The following SMOX variants were observed in gnomAD, a reference collection of about 807,000 sequenced individuals.
SMOX encodes spermine oxidase.
In SMOX, 22 loss-of-function variants were observed where a neutral mutation model predicts 51.0. The observed-to-expected ratio is 0.43, with a 90% CI of 0.31 to 0.62. The LOEUF (loss-of-function observed/expected upper bound fraction) is 0.62. SMOX is among the 20% of genes least tolerant of loss of function. The pLI is 0.10. For synonymous variants in SMOX, 282 were observed against 307.8 expected, an observed-to-expected ratio of 0.92 and a Z score of 0.88; for missense variants, 566 against 777.7, an observed-to-expected ratio of 0.73 and a Z score of 3.24.
Position 4,183,539 on chromosome 20 carries a change from G to A in SMOX, c.1415G>A (p.Trp472Ter). The A allele has an allele frequency of 6.2e-7, 1 of 1,614,194 alleles. No homozygotes were observed. The highest frequency in any genetic ancestry group is 8.5e-7 in the Non-Finnish European group (1 of 1,180,032). Residue 472 changes from tryptophan (W) to a stop codon, truncating the protein, a stop_gained, in exon 6 of 7, where the codon TGG becomes TAG. Transcript: ENST00000305958. LOFTEE classifies it high-confidence loss of function. This position sits in a 1 kb window ranked among gnomAD's most constrained non-coding sequence, Gnocchi z 4.3. ...CCTCGGCGAATCTTGCGCTCGGCCT[G>A]GGGCAGCAACCCTTACTTCCGCGGC... is the stretch of plus-strand genomic sequence containing the variant. The part of the protein sequence containing the change: ...PKPRRILRSA[W>*]GSNPYFRGSY...
At chr20:4,173,822 G>A (rs1978612357) in intron 1 of SMOX, among the ~76,000 whole-genome samples, 2 of 152,240 alleles carry the variant, frequency 1.3e-5, no homozygotes, top group South Asian at 4.1e-4. Context: ...GAGCTGAGTG[G>A]TTCCTCAGGG....
intron 1 of SMOX, among the ~76,000 whole-genome samples, chr20:4,151,245 C>T (rs1420379305): frequency 6.6e-6 from 1 of 151,910 alleles, no homozygotes; most frequent in Non-Finnish European, 1.5e-5. Context: ...TCTGACTCCA[C>T]TGTTAAGGCC....
intron 1 of SMOX, among the ~76,000 whole-genome samples, chr20:4,157,754 G>A (rs1360253354): frequency 6.6e-6 from 1 of 152,024 alleles, no homozygotes; most frequent in Admixed American, 6.6e-5. Flanking sequence ...TGGGGGAGGG[G>A]CCAAGTTGCG....
At chr20:4,158,728 C>G (rs1434345905) in intron 1 of SMOX, among the ~76,000 whole-genome samples, 1 of 152,060 alleles carries the variant, frequency 6.6e-6, no homozygotes, top group African/African-American at 2.4e-5. Context: ...ACATCTGTCT[C>G]GATGCCCTTT....
intron 1 of SMOX, among the ~76,000 whole-genome samples, chr20:4,169,631 G>A (rs1462306195): frequency 1.3e-5 from 2 of 152,178 alleles, no homozygotes; most frequent in Non-Finnish European, 2.9e-5. Flanking sequence ...ACAGACAACA[G>A]AATTTCCTGG....
intron 1 of SMOX, among the ~76,000 whole-genome samples, chr20:4,156,676 G>A (rs1430041965): frequency 1.3e-5 from 2 of 152,334 alleles, no homozygotes; most frequent in Non-Finnish European, 2.9e-5. Flanking sequence ...CTGGGTGAAT[G>A]AGGAAGGATC....
At chr20:4,158,182 G>C (rs1986128454) in intron 1 of SMOX, among the ~76,000 whole-genome samples, 2 of 152,278 alleles carry the variant, frequency 1.3e-5, no homozygotes, top group Admixed American at 1.3e-4. Context: ...TGACAGGTGT[G>C]AGCCACAGCG....
chr20:4,186,984 G>A, intron 6 of SMOX: 1 of 604,856 alleles, frequency 1.7e-6, no homozygotes, highest in Non-Finnish European at 3.0e-6. Context: ...GCTTAGGGAG[G>A]TTAAACCACC....
chr20:4,154,128 G>A (rs554851449), intron 1 of SMOX, among the ~76,000 whole-genome samples: 2 of 152,316 alleles, frequency 1.3e-5, no homozygotes, highest in African/African-American at 4.8e-5. Flanking sequence ...GAGGAGAAGT[G>A]GGTTGAAGCC....
At position 4,175,132 on chromosome 20, in the gene SMOX, G is replaced by A. The variant is rs771415602; in HGVS notation, c.77G>A (p.Arg26His). The A allele has an allele frequency of 9.9e-6, 16 of 1,614,242 alleles. No individual in the cohort carries two copies. The East Asian group carries it at 2.2e-4, about 22-fold the overall frequency. Residue 26 changes from arginine to histidine, a missense_variant, in exon 2 of 7, where the codon CGT (arginine) becomes CAT (histidine). Transcript: ENST00000305958. ...GGCCTACGGAGAAGGGGACAGCCTC[G>A]TGTGGTGGTGATCGGCGCCGGCTTG... ...SRGLRRRGQPRVVVIGAGLAG... is the reference protein window; with the variant it reads ...SRGLRRRGQPHVVVIGAGLAG...
In SMOX at chr20:4,177,520, C is replaced by T; in HGVS notation, c.378C>T (p.Asn126=). Residue 126 remains asparagine (N), a synonymous_variant, in exon 3 of 7, where the codon AAC becomes AAT. Transcript: ENST00000305958. The surrounding 1 kb of genome is among the most constrained non-coding windows in gnomAD (Gnocchi z 4.3). ...SKNGVACYLT[N]HGRRIPKDVV... is the part of the protein sequence containing the mutation. ...ATGGCGTGGCCTGCTACCTTACCAA[C>T]CACGGCCGCAGGATCCCCAAGGACG... 1.9e-6 allele frequency: 3 copies of T among 1,595,786 alleles called. No homozygotes were observed. Among genetic ancestry groups the T allele is most frequent in the South Asian group, 2.3e-5 (2 of 88,084 alleles).
Position 4,159,631 on chromosome 20 carries a change from CAAT to C in SMOX, c.-27+10655_-27+10657del, listed in dbSNP as rs1160306994. Among the ~76,000 whole-genome samples, 7 of 152,236 alleles carry C rather than the reference CAAT, an allele frequency of 4.6e-5. No homozygotes were observed. The South Asian group carries it at 1.0e-3, about 23-fold the overall frequency. On this transcript the variant is annotated intron_variant, in intron 1 of 6. Coordinates refer to ENST00000305958, the MANE Select transcript of SMOX (RefSeq NM_175839.3). Reference sequence around the variant, plus strand: ...TATTCAGCTAAAAATAGAGTGATAACAATGATGATAGGATTTTAAGAACAGACC... The same window carrying C: ...TATTCAGCTAAAAATAGAGTGATAACGATGATAGGATTTTAAGAACAGACC...
At chr20:4,179,255 C>A (rs1038555620) in intron 3 of SMOX, among the ~76,000 whole-genome samples, 2 of 152,168 alleles carry the variant, frequency 1.3e-5, no homozygotes, top group African/African-American at 2.4e-5. Context: ...AACATGGATG[C>A]CTCTTGAAAA....
At chr20:4,180,900 G>A (rs1439063034) in intron 3 of SMOX, among the ~76,000 whole-genome samples, 1 of 152,096 alleles carries the variant, frequency 6.6e-6, no homozygotes, top group South Asian at 2.1e-4. Context: ...GAGGGGAGGG[G>A]CAGGGACTGT....
rs1193908881 is a variant in SMOX, at chr20:4,170,892, G to A, written c.-26-4138G>A. ...TCTTGGATGAAATTGCCAGGGGACC[G>A]GGGGGTGCACTCATGCCCTGGCTGG... is the stretch of plus-strand genomic sequence containing the variant. On this transcript the variant is annotated intron_variant, in intron 1 of 6. Transcript: ENST00000305958. The surrounding 1 kb of genome is among the most constrained non-coding windows in gnomAD (Gnocchi z 4.6). Among the ~76,000 whole-genome samples the A allele has an allele frequency of 2.6e-5, 4 of 152,134 alleles. No homozygotes were observed. Among genetic ancestry groups the A allele is most frequent in the African/African-American group, 7.2e-5 (3 of 41,430 alleles).
rs1213461294 is a variant in SMOX, at chr20:4,182,903, C to T, written c.1369+55C>T. On this transcript the variant is annotated intron_variant, in intron 5 of 6. Transcript: ENST00000305958. This position sits in a 1 kb window ranked among gnomAD's most constrained non-coding sequence, Gnocchi z 8.4. ...CCCACCCTGCTTCTTCCTCACCTGC[C>T]CTCCTCTGGTGGACCCATGGCAGCT... is the stretch of plus-strand genomic sequence containing the variant. The T allele has an allele frequency of 7.1e-6, 11 of 1,551,064 alleles. No homozygotes were observed. In the East Asian group the frequency reaches 2.1e-4, roughly 29 times the overall value.
intron 1 of SMOX, among the ~76,000 whole-genome samples, chr20:4,161,644 G>A (rs908838757): frequency 6.6e-6 from 1 of 152,156 alleles, no homozygotes; most frequent in African/African-American, 2.4e-5. Flanking sequence ...CACCTCCTCT[G>A]CCGCAGAGTT....
intron 6 of SMOX, chr20:4,186,704 T>G: frequency 1.3e-6 from 1 of 779,856 alleles, no homozygotes. Context: ...CATATGACGC[T>G]GTTTAGTAAT....
intron 1 of SMOX, among the ~76,000 whole-genome samples, chr20:4,168,709 A>G (rs1051492781): frequency 2.0e-5 from 3 of 151,776 alleles, no homozygotes; most frequent in Non-Finnish European, 4.4e-5. Context: ...GGCACCCGCC[A>G]CCACGCTTGG....
Sources: gnomAD v4.1 joint callset for allele counts (sites outside exome capture counted in the v4.1 genomes callset) on GRCh38, gnomAD v4.1.1 for gene constraint, Gnocchi (gnomAD v3.1) non-coding constraint, MANE v1.5 for transcripts, NCBI Gene and HGNC (gene_info 2026-07-23, HGNC 2026-07-21) for gene names.